The following ADAMTS2 variants were observed in gnomAD, a reference collection of about 807,000 sequenced individuals.
The protein encoded by ADAMTS2 is A disintegrin and metalloproteinase with thrombospondin motifs 2.
A neutral mutation model predicts 123.0 loss-of-function variants in ADAMTS2; 50 were observed. The observed-to-expected ratio is 0.41, with a 90% CI of 0.32 to 0.51. The LOEUF is 0.51. Among genes scored for constraint, ADAMTS2 ranks in the 20% least tolerant of loss-of-function variants. The pLI is 0.35. For synonymous variants in ADAMTS2, 678 were observed against 695.4 expected (o/e 0.98, Z 0.39); for missense variants, 1,494 against 1,705.2 (o/e 0.88, Z 2.18).
chr5:179,158,768 C>A lies in ADAMTS2; in HGVS notation c.1087G>T (p.Ala363Ser). 1 of 1,614,188 alleles carries A rather than the reference C, an allele frequency of 6.2e-7. No homozygotes were observed. The highest frequency in any genetic ancestry group is 8.5e-7 in the Non-Finnish European group (1 of 1,180,040). Residue 363 changes from alanine to serine, a missense_variant, in exon 6 of 22, where the codon GCC (alanine) becomes TCC (serine). Physicochemically the swap from Ala to Ser is moderately conservative, Grantham distance 99. Coordinates refer to ENST00000251582, the MANE Select transcript of ADAMTS2 (RefSeq NM_014244.5). This position sits in a 1 kb window ranked among gnomAD's most constrained non-coding sequence, Gnocchi z 5.0. Reference sequence around the variant, plus strand: ...AAGTCCTGCCGTGTGAGGAAGATGGCGTGATCGTGGTATTCATCGTGGCCC... The same window carrying A: ...AAGTCCTGCCGTGTGAGGAAGATGGAGTGATCGTGGTATTCATCGTGGCCC... ...DTGHDEYHDH[A>S]IFLTRQDFGP...
At chr5:179,138,464 C>T (rs939327131) in intron 11 of ADAMTS2, among the ~76,000 whole-genome samples, 1 of 152,230 alleles carries the variant, frequency 6.6e-6, no homozygotes, top group African/African-American at 2.4e-5. Flanking sequence ...AGACGCATCA[C>T]GGCCGCTGGG....
chr5:179,120,186 A>G (rs1762727455), intron 21 of ADAMTS2: 1 of 152,114 alleles, frequency 6.6e-6, no homozygotes, highest in South Asian at 2.1e-4. Context: ...GTTTCATGGA[A>G]CTTTTATTGA....
intron 3 of ADAMTS2, among the ~76,000 whole-genome samples, chr5:179,217,792 G>A (rs456045): frequency 0.18 from 16,338 of 92,064 alleles, 1,625 homozygotes; most frequent in Admixed American, 0.25. Context: ...AGGGGATGGC[G>A]CAAGGGGGGG....
chr5:179,247,089 A>G (rs1167915803), intron 3 of ADAMTS2, among the ~76,000 whole-genome samples: 3 of 152,210 alleles, frequency 2.0e-5, no homozygotes, highest in Non-Finnish European at 4.4e-5. Flanking sequence ...TTTTAAATAA[A>G]TTGTCTTAAA....
chr5:179,264,220 C>A (rs1207436520), intron 3 of ADAMTS2, among the ~76,000 whole-genome samples: 1 of 152,190 alleles, frequency 6.6e-6, no homozygotes, highest in Non-Finnish European at 1.5e-5. Flanking sequence ...TAGGGACCCA[C>A]TATGGGATGC....
At position 179,158,918 on chromosome 5, in the gene ADAMTS2, C is replaced by A; in HGVS notation, c.976-39G>T. On this transcript the variant is annotated intron_variant, in intron 5 of 21. Transcript: ENST00000251582. This position sits in a 1 kb window ranked among gnomAD's most constrained non-coding sequence, Gnocchi z 5.0. Reference sequence around the variant, plus strand: ...GAGAGAAATGGAAGAGAGAGGTTGGCGCCTGGTGGCCCAGTGGGGGGCCGA... The same window carrying A: ...GAGAGAAATGGAAGAGAGAGGTTGGAGCCTGGTGGCCCAGTGGGGGGCCGA... 1.2e-6 allele frequency: 2 copies of A among 1,609,062 alleles called. No individual in the cohort carries two copies. The highest frequency in any genetic ancestry group is 1.7e-6 in the Non-Finnish European group (2 of 1,177,952).
chr5:179,307,379 T>C lies in ADAMTS2; in HGVS notation c.535-34315A>G, dbSNP rs1444214954. The stretch of plus-strand genomic sequence containing the variant: ...CCACTGCTCAGCACTCCAGGACAGC[T>C]CCATGACACAGAAGCAGCTCTGCCC... On this transcript the variant is annotated intron_variant, in intron 2 of 21. Coordinates refer to ENST00000251582, the MANE Select transcript of ADAMTS2 (RefSeq NM_014244.5). The surrounding 1 kb of genome is among the most constrained non-coding windows in gnomAD (Gnocchi z 5.6). Among the ~76,000 whole-genome samples the C allele has an allele frequency of 6.6e-6, 1 of 151,822 alleles. No individual in the cohort carries two copies. Among genetic ancestry groups the C allele is most frequent in the Admixed American group, 6.6e-5 (1 of 15,252 alleles).
intron 3 of ADAMTS2, among the ~76,000 whole-genome samples, chr5:179,257,441 C>T (rs1248598339): frequency 3.9e-5 from 6 of 152,304 alleles, no homozygotes; most frequent in South Asian, 4.1e-4. Context: ...ATGCACCAGC[C>T]GGGGGTCTGT....
intron 2 of ADAMTS2, among the ~76,000 whole-genome samples, chr5:179,328,291 C>G (rs1157109161): frequency 6.6e-6 from 1 of 152,272 alleles, no homozygotes; most frequent in African/African-American, 2.4e-5. Context: ...CTCGGCCTCC[C>G]AAAGTGCTGG....
chr5:179,223,356 A>C (rs893941300), intron 3 of ADAMTS2, among the ~76,000 whole-genome samples: 2 of 122,978 alleles, frequency 1.6e-5, no homozygotes, highest in African/African-American at 5.8e-5. Flanking sequence ...ACACGAATGC[A>C]CTCAGACACT....
At chr5:179,143,467 C>T in intron 10 of ADAMTS2, among the ~76,000 whole-genome samples, 1 of 149,764 alleles carries the variant, frequency 6.7e-6, no homozygotes, top group East Asian at 2.0e-4. Context: ...AATAGAAATT[C>T]TGGAGTTGAA....
At position 179,303,077 on chromosome 5, in the gene ADAMTS2, T is replaced by G; in HGVS notation, c.535-30013A>C. Among the ~76,000 whole-genome samples, 1 of 151,718 alleles carries G rather than the reference T, an allele frequency of 6.6e-6. No individual in the cohort carries two copies. Among genetic ancestry groups the G allele is most frequent in the African/African-American group, 2.4e-5 (1 of 41,268 alleles). On this transcript the variant is annotated intron_variant, in intron 2 of 21. Transcript: ENST00000251582. This position sits in a 1 kb window ranked among gnomAD's most constrained non-coding sequence, Gnocchi z 4.7. ...CCTCTGCTGTGGGGAGGAGATTGGA[T>G]TTTCTCCTCTGTGCAGTGGGCAGCC...
intron 3 of ADAMTS2, among the ~76,000 whole-genome samples, chr5:179,270,184 G>T (rs1326329352): frequency 6.6e-6 from 1 of 152,154 alleles, no homozygotes; most frequent in African/African-American, 2.4e-5. Flanking sequence ...TAGTGAAAAT[G>T]ATTCCCTGAG....
intron 3 of ADAMTS2, among the ~76,000 whole-genome samples, chr5:179,269,120 G>A (rs1172024872): frequency 1.3e-5 from 2 of 152,204 alleles, no homozygotes; most frequent in African/African-American, 4.8e-5. Flanking sequence ...TGACCCGGGG[G>A]CAGAGATTGG....
chr5:179,209,497 G>A (rs1238565012), intron 3 of ADAMTS2, among the ~76,000 whole-genome samples: 1 of 146,998 alleles, frequency 6.8e-6, no homozygotes, highest in East Asian at 1.9e-4. Flanking sequence ...CCACAGTTCT[G>A]TGTCCCCTCG....
At chr5:179,126,267 A>T in intron 17 of ADAMTS2, 137 bp from the exon 18 acceptor site, 1 of 1,298,460 alleles carries the variant, frequency 7.7e-7, no homozygotes, top group Non-Finnish European at 1.1e-6. Flanking sequence ...TGGGCAGGGC[A>T]CCGAGCCTGC....
At chr5:179,196,395 A>C (rs7704880) in intron 4 of ADAMTS2, among the ~76,000 whole-genome samples, 2,533 of 152,278 alleles carry the variant, frequency 0.017, 84 homozygotes, top group African/African-American at 0.057. Flanking sequence ...CCCTCAGCAG[A>C]AGAGATGCTT....
chr5:179,320,090 T>C (rs1387040564), intron 2 of ADAMTS2, among the ~76,000 whole-genome samples: 1 of 152,164 alleles, frequency 6.6e-6, no homozygotes, highest in African/African-American at 2.4e-5. Context: ...AGGAGAGCTG[T>C]AGAGGCTGGT....
chr5:179,172,136 C>T (rs904781015), intron 5 of ADAMTS2, among the ~76,000 whole-genome samples: 1 of 152,252 alleles, frequency 6.6e-6, no homozygotes, highest in Non-Finnish European at 1.5e-5. Context: ...CCTCAGTTCA[C>T]CTATGTCCTC....
Sources: gnomAD v4.1 joint callset for allele counts (sites outside exome capture counted in the v4.1 genomes callset) on GRCh38, gnomAD v4.1.1 for gene constraint, Gnocchi (gnomAD v3.1) non-coding constraint, MANE v1.5 for transcripts, NCBI Gene and HGNC (gene_info 2026-07-23, HGNC 2026-07-21) for gene names.